WDR70: variants seen among roughly 807,000 people sequenced by gnomAD.
WDR70 encodes the protein WD repeat-containing protein 70.
WDR70 carries 53 observed loss-of-function variants against 88.6 expected under a neutral mutation model. That is an observed-to-expected ratio of 0.60 (90% CI 0.48 to 0.75). The LOEUF (loss-of-function observed/expected upper bound fraction) is 0.75, where lower values mean the gene tolerates loss of function less well. Ranked by LOEUF, WDR70 falls within the 30% of genes least tolerant of loss-of-function variation. The pLI, the probability that WDR70 is intolerant of heterozygous loss-of-function variation, is 0.00. For synonymous variants in WDR70, 280 were observed against 270.0 expected, an observed-to-expected ratio of 1.04 and a Z score of -0.36; for missense variants, 610 against 823.2, an observed-to-expected ratio of 0.74 and a Z score of 3.17.
At chr5:37,743,034 A>G (rs1748529966) in intron 17 of WDR70, among the ~76,000 whole-genome samples, 1 of 152,256 alleles carries the variant, frequency 6.6e-6, no homozygotes, top group Non-Finnish European at 1.5e-5. Flanking sequence ...AATTCAAAGC[A>G]GCGGTGTTCA....
At chr5:37,673,131 T>G (rs527330187) in intron 10 of WDR70, among the ~76,000 whole-genome samples, 39 of 152,236 alleles carry the variant, frequency 2.6e-4, no homozygotes, top group African/African-American at 8.9e-4. Flanking sequence ...TAGCTCCCAC[T>G]TATAAGTGAG....
At chr5:37,499,238 C>T (rs1740323042) in intron 8 of WDR70, among the ~76,000 whole-genome samples, 2 of 151,968 alleles carry the variant, frequency 1.3e-5, no homozygotes, top group Admixed American at 1.3e-4. Context: ...CTCAGCCTCC[C>T]AGGTAGCTGG....
intron 9 of WDR70, among the ~76,000 whole-genome samples, chr5:37,533,354 G>C (rs1210169799): frequency 2.0e-5 from 3 of 152,144 alleles, no homozygotes; most frequent in African/African-American, 7.2e-5. Flanking sequence ...CCAGCACTTT[G>C]GCCGAGATGG....
At chr5:37,523,845 A>G (rs11744263) in intron 9 of WDR70, among the ~76,000 whole-genome samples, 90,722 of 152,104 alleles carry the variant, frequency 0.6, 28,424 homozygotes, top group Non-Finnish European at 0.69. Context: ...ACAAGCTTCA[A>G]TAGCTGATTC....
At chr5:37,441,150 GGAAGA>G in intron 6 of WDR70, among the ~76,000 whole-genome samples, 1 of 152,170 alleles carries the variant, frequency 6.6e-6, no homozygotes, top group Non-Finnish European at 1.5e-5. Context: ...GTAACAGGAG[GGAAGA>G]AGGATAGCAT....
intron 5 of WDR70, among the ~76,000 whole-genome samples, chr5:37,403,159 G>A (rs932821622): frequency 6.6e-6 from 1 of 151,740 alleles, no homozygotes; most frequent in Non-Finnish European, 1.5e-5. Flanking sequence ...TGTTGGCCAG[G>A]CTGGTCTTGA....
At chr5:37,693,870 A>G (rs1204273891) in intron 10 of WDR70, among the ~76,000 whole-genome samples, 2 of 152,244 alleles carry the variant, frequency 1.3e-5, no homozygotes, top group Non-Finnish European at 2.9e-5. Context: ...TAATTAAACT[A>G]AAGAGCTTCT....
intron 10 of WDR70, among the ~76,000 whole-genome samples, chr5:37,687,394 C>T (rs911007673): frequency 1.3e-5 from 2 of 152,146 alleles, no homozygotes; most frequent in Admixed American, 6.5e-5. Flanking sequence ...ATCTCTCCCT[C>T]TCCTGTGGGA....
chr5:37,602,841 G>A (rs1347721472), intron 9 of WDR70, among the ~76,000 whole-genome samples: 4 of 152,058 alleles, frequency 2.6e-5, no homozygotes, highest in African/African-American at 9.7e-5. Flanking sequence ...GCCAGGCGTG[G>A]TGGCATGCGC....
intron 9 of WDR70, among the ~76,000 whole-genome samples, chr5:37,582,133 GT>G (rs1743237025): frequency 6.6e-6 from 1 of 152,128 alleles, no homozygotes; most frequent in African/African-American, 2.4e-5. Context: ...ACTAGGTATA[GT>G]AAGGGTCATT....
At chr5:37,426,151 G>C (rs972886887) in intron 5 of WDR70, among the ~76,000 whole-genome samples, 16 of 152,302 alleles carry the variant, frequency 1.1e-4, no homozygotes, top group South Asian at 2.1e-4. Flanking sequence ...AGGTGGCCAA[G>C]AAGGAGGTAG....
At chr5:37,741,444 C>T (rs1380296942) in intron 17 of WDR70, among the ~76,000 whole-genome samples, 4 of 152,062 alleles carry the variant, frequency 2.6e-5, no homozygotes, top group African/African-American at 9.7e-5. Flanking sequence ...GCACCAGGGA[C>T]TAGTTTCGTG....
intron 9 of WDR70, among the ~76,000 whole-genome samples, chr5:37,574,030 A>G (rs1230104542): frequency 1.3e-5 from 2 of 152,212 alleles, no homozygotes; most frequent in Admixed American, 6.5e-5. Flanking sequence ...ATACAAGAGG[A>G]GCAAAGCAAG....
At chr5:37,629,327 A>G (rs1241402699) in intron 10 of WDR70, among the ~76,000 whole-genome samples, 2 of 152,184 alleles carry the variant, frequency 1.3e-5, no homozygotes, top group East Asian at 1.9e-4. Flanking sequence ...CTCTCTCCCA[A>G]GACTCAGGAA....
At chr5:37,507,086 CTT>C (rs1451178459) in intron 8 of WDR70, among the ~76,000 whole-genome samples, 1 of 152,140 alleles carries the variant, frequency 6.6e-6, no homozygotes, top group Non-Finnish European at 1.5e-5. Flanking sequence ...TATTAACAAA[CTT>C]AAACTTAAAT....
At chr5:37,565,810 T>A (rs1038019477) in intron 9 of WDR70, among the ~76,000 whole-genome samples, 2 of 152,124 alleles carry the variant, frequency 1.3e-5, no homozygotes, top group Non-Finnish European at 2.9e-5. Context: ...CTTCAGGGGA[T>A]AATATTTTAG....
chr5:37,640,015 A>G (rs1745063820), intron 10 of WDR70, among the ~76,000 whole-genome samples: 1 of 152,176 alleles, frequency 6.6e-6, no homozygotes, highest in Non-Finnish European at 1.5e-5. Context: ...CTATTTTACA[A>G]CTAGAAATAT....
chr5:37,615,016 A>T (rs1476312481), intron 10 of WDR70, among the ~76,000 whole-genome samples: 1 of 152,144 alleles, frequency 6.6e-6, no homozygotes, highest in Non-Finnish European at 1.5e-5. Flanking sequence ...AAAAAATTTG[A>T]ATGTTAAGAG....
In WDR70 at chr5:37,409,300, C is replaced by T. The variant is rs576484355; in HGVS notation, c.492+12730C>T. The stretch of plus-strand genomic sequence containing the variant: ...GTGTAGTTATTCTACTGTTTCTCTT[C>T]GGAAATGAGATGTAATCTTTTTGGT... On this transcript the variant is annotated intron_variant, in intron 5 of 17. Transcript: ENST00000265107. Among the ~76,000 whole-genome samples, 38 of 152,052 alleles carry T rather than the reference C, an allele frequency of 2.5e-4. No homozygotes were observed. In the South Asian group the frequency reaches 4.4e-3, roughly 17 times the overall value.
Sources: allele counts gnomAD v4.1 joint callset (sites outside exome capture counted in the v4.1 genomes callset), GRCh38; gene constraint gnomAD v4.1.1; transcripts MANE v1.5; gene names NCBI Gene and HGNC (gene_info 2026-07-23, HGNC 2026-07-21).